MINDY3: variants seen among roughly 807,000 people sequenced by gnomAD.
MINDY3 encodes ubiquitin carboxyl-terminal hydrolase MINDY-3.
Under a neutral mutation model 69.2 loss-of-function variants are expected in MINDY3, and 38 were observed. The observed-to-expected ratio is 0.55, with a 90% CI of 0.42 to 0.72. The LOEUF is 0.72. Ranked by LOEUF, MINDY3 falls within the 30% of genes least tolerant of loss-of-function variation. The pLI is 0.00. For missense variants in MINDY3, 522 were observed against 519.0 expected (o/e 1.01, Z -0.06); for synonymous variants, 192 against 180.1 (o/e 1.07, Z -0.53).
chr10:15,801,193 C>G (rs189981562), intron 10 of MINDY3, among the ~76,000 whole-genome samples: 42 of 152,152 alleles, frequency 2.8e-4, no homozygotes, highest in Middle Eastern at 3.4e-3. Flanking sequence ...GGGGGAAATG[C>G]CATAAAGGAC....
chr10:15,793,470 C>A (rs965815968), intron 11 of MINDY3, among the ~76,000 whole-genome samples: 2 of 152,092 alleles, frequency 1.3e-5, no homozygotes, highest in Non-Finnish European at 2.9e-5. Context: ...CTCCTAAGAT[C>A]CTCAAGATTC....
chr10:15,786,793 C>T, intron 12 of MINDY3, 145 bp from the exon 13 acceptor site: 1 of 608,812 alleles, frequency 1.6e-6, no homozygotes, highest in East Asian at 2.9e-5. Context: ...ATGACAAATA[C>T]ACAGGAATGA....
intron 13 of MINDY3, 101 bp downstream of exon 13, chr10:15,786,460 C>A (rs1245802823): frequency 9.3e-6 from 7 of 749,262 alleles, no homozygotes; most frequent in Admixed American, 7.0e-5. Context: ...AGTCTCATAT[C>A]TGCGCATTAG....
intron 8 of MINDY3, among the ~76,000 whole-genome samples, chr10:15,822,248 A>G (rs1033399581): frequency 2.0e-5 from 3 of 152,186 alleles, no homozygotes; most frequent in Non-Finnish European, 4.4e-5. Context: ...CTGGGGAAAT[A>G]AAGAAGAATA....
chr10:15,837,275 A>G lies in MINDY3; in HGVS notation c.505T>C (p.Leu169=). Residue 169 remains leucine (L), a synonymous_variant, in exon 6 of 15, where the codon TTG becomes CTG. Coordinates refer to ENST00000277632, the MANE Select transcript of MINDY3 (RefSeq NM_024948.4). ...TTTCCCCACATTGAATACTGGTCCA[A>G]GACAGCATCTTTTAATTCTGGTAAA... ...RSLPELKDAV[L]DQYSMWGNKF... 1 of 1,608,102 alleles carries G rather than the reference A, an allele frequency of 6.2e-7. No homozygotes were observed. Among genetic ancestry groups the G allele is most frequent in the Non-Finnish European group, 8.5e-7 (1 of 1,177,212 alleles).
chr10:15,837,306 G>A lies in MINDY3; in HGVS notation c.474C>T (p.Phe158=). Residue 158 remains phenylalanine (F), a synonymous_variant, in exon 6 of 15, where the codon TTC becomes TTT. Coordinates refer to ENST00000277632, the MANE Select transcript of MINDY3 (RefSeq NM_024948.4). ...RFHALIQKRS[F]RSLPELKDAV... ...CATCTTTTAATTCTGGTAAACTTCT[G>A]AACGATCTTTTTCTGGGGGAAAAAA... is the stretch of plus-strand genomic sequence containing the variant. The A allele has an allele frequency of 1.3e-6, 2 of 1,596,476 alleles. No individual in the cohort carries two copies. Among genetic ancestry groups the A allele is most frequent in the South Asian group, 2.3e-5 (2 of 87,728 alleles).
At chr10:15,826,038 TAA>T (rs1228056036) in intron 8 of MINDY3, among the ~76,000 whole-genome samples, 1 of 151,864 alleles carries the variant, frequency 6.6e-6, no homozygotes, top group African/African-American at 2.4e-5. Context: ...TCCTTTAAGA[TAA>T]AAAAGAGACC....
At position 15,845,067 on chromosome 10, in the gene MINDY3, G is replaced by A. The variant is rs1354115210; in HGVS notation, c.175-1795C>T. On this transcript the variant is annotated intron_variant, in intron 2 of 14. Coordinates refer to ENST00000277632, the MANE Select transcript of MINDY3 (RefSeq NM_024948.4). Reference sequence around the variant, plus strand: ...TAATATTTACTGCAAATATTTCTTAGTTTGGAAGTCTCTGTTTCTCTTAGA... The same window carrying A: ...TAATATTTACTGCAAATATTTCTTAATTTGGAAGTCTCTGTTTCTCTTAGA... 2.7e-5 allele frequency among the ~76,000 whole-genome samples: 4 copies of A among 148,552 alleles called. No homozygotes were observed. In the East Asian group the frequency reaches 7.7e-4, roughly 29 times the overall value.
intron 14 of MINDY3, among the ~76,000 whole-genome samples, 153 bp from the exon 15 acceptor site, chr10:15,779,294 A>G (rs970516940): frequency 3.9e-5 from 6 of 152,208 alleles, no homozygotes; most frequent in Admixed American, 2.0e-4. Flanking sequence ...AATGAGAAGG[A>G]ATATCTGCTT....
At chr10:15,832,800 A>G (rs1832821617) in intron 8 of MINDY3, among the ~76,000 whole-genome samples, 1 of 152,156 alleles carries the variant, frequency 6.6e-6, no homozygotes, top group Non-Finnish European at 1.5e-5. Flanking sequence ...TTAATTAACT[A>G]CACATTTCTG....
chr10:15,778,911 G>A lies in MINDY3; in HGVS notation c.*81C>T. ...AGTTAATCAGTGATACCAGTGTTTAGCTTAATCCAGCCAATTGCCAGTCTT... is the reference window on the plus strand; with the variant it reads ...AGTTAATCAGTGATACCAGTGTTTAACTTAATCCAGCCAATTGCCAGTCTT... On this transcript the variant is annotated 3_prime_UTR_variant, in exon 15 of 15. Coordinates refer to ENST00000277632, the MANE Select transcript of MINDY3 (RefSeq NM_024948.4). 4 of 1,264,650 alleles carry A rather than the reference G, an allele frequency of 3.2e-6. No homozygotes were observed. Among genetic ancestry groups the A allele is most frequent in the Non-Finnish European group, 4.5e-6 (4 of 898,686 alleles). 78.3% of individuals were successfully genotyped at this position (1,264,650 alleles called of 1,614,324 possible). A position where few individuals can be genotyped will look rare whatever the true frequency, so the allele number is the denominator to read the frequency against.
chr10:15,832,335 A>C (rs1832787810), intron 8 of MINDY3, among the ~76,000 whole-genome samples: 2 of 152,164 alleles, frequency 1.3e-5, no homozygotes, highest in African/African-American at 2.4e-5. Context: ...CTGGGGGTCC[A>C]GAAACAACTG....
chr10:15,786,664 A>C lies in MINDY3; in HGVS notation c.1029-16T>G. 1 of 1,438,900 alleles carries C rather than the reference A, an allele frequency of 6.9e-7. No individual in the cohort carries two copies. Among genetic ancestry groups the C allele is most frequent in the Admixed American group, 1.8e-5 (1 of 55,368 alleles). 89.1% of individuals were successfully genotyped at this position (1,438,900 alleles called of 1,614,324 possible). ...GAGATTTATACTACGGGGAGAAAGA[A>C]GAAAAACAGTGGATACCAGAGGAAA... On this transcript the variant is annotated splice_polypyrimidine_tract_variant and intron_variant, in intron 12 of 14. Coordinates refer to ENST00000277632, the MANE Select transcript of MINDY3 (RefSeq NM_024948.4).
rs55753523 is a variant in MINDY3, at chr10:15,836,348, T to C, written c.576+856A>G. Among the ~76,000 whole-genome samples the C allele has an allele frequency of 5.5e-3, 837 of 152,054 alleles. 5 individuals carry two copies. Among genetic ancestry groups the C allele is most frequent in the African/African-American group, 0.019 (770 of 41,516 alleles). ...ACAGTATGCCCTTGATTCCATCTAA[T>C]AGGTTCAGACAGAAGACCAAACGCC... On this transcript the variant is annotated intron_variant, in intron 6 of 14. Coordinates refer to ENST00000277632, the MANE Select transcript of MINDY3 (RefSeq NM_024948.4).
rs753365702 is a variant in MINDY3, at chr10:15,786,575, A to AT, written c.1101dup (p.Phe368IlefsTer4). 1 of 1,575,998 alleles carries AT rather than the reference A, an allele frequency of 6.3e-7. No individual in the cohort carries two copies. Among genetic ancestry groups the AT allele is most frequent in the South Asian group, 1.1e-5 (1 of 89,438 alleles). On this transcript the variant is annotated frameshift_variant, in exon 13 of 15. Transcript: ENST00000277632. LOFTEE classifies it high-confidence loss of function. ...AACTATGTTACCTGATCAGGAAAAAATTCTTGAAGAAATGGGCCCAATAAT... is the reference window on the plus strand; with the variant it reads ...AACTATGTTACCTGATCAGGAAAAAATTTCTTGAAGAAATGGGCCCAATAAT...
intron 9 of MINDY3, among the ~76,000 whole-genome samples, chr10:15,819,035 G>A (rs1023160026): frequency 1.3e-5 from 2 of 152,152 alleles, no homozygotes; most frequent in African/African-American, 4.8e-5. Context: ...AGTAGCCATA[G>A]CCACCTTATT....
At chr10:15,789,172 A>G in intron 12 of MINDY3, 75 bp downstream of exon 12, 2 of 1,257,852 alleles carry the variant, frequency 1.6e-6, no homozygotes, top group Non-Finnish European at 2.3e-6. Context: ...TTAAAAAGGC[A>G]AAAAATGTAC....
intron 13 of MINDY3, among the ~76,000 whole-genome samples, chr10:15,782,590 T>A (rs531122242): frequency 4.2e-4 from 64 of 152,298 alleles, no homozygotes; most frequent in Non-Finnish European, 7.8e-4. Flanking sequence ...TTCCTCTCAA[T>A]GAATTGAGAA....
At chr10:15,809,404 A>G (rs1323903333) in intron 10 of MINDY3, among the ~76,000 whole-genome samples, 1 of 152,104 alleles carries the variant, frequency 6.6e-6, no homozygotes, top group African/African-American at 2.4e-5. Flanking sequence ...TTCAAAATAC[A>G]TTTCTTTTTA....
Sources: gnomAD v4.1 joint callset for allele counts (sites outside exome capture counted in the v4.1 genomes callset) on GRCh38, gnomAD v4.1.1 for gene constraint, MANE v1.5 for transcripts, NCBI Gene and HGNC (gene_info 2026-07-23, HGNC 2026-07-21) for gene names.